ADRA1D: variants seen among roughly 807,000 people sequenced by gnomAD.
ADRA1D encodes alpha-1D adrenergic receptor.
ADRA1D carries 22 observed loss-of-function variants against 18.6 expected under a neutral mutation model. The observed-to-expected ratio is 1.19, with a 90% CI of 0.85 to 1.69. ADRA1D has a LOEUF of 1.69. Ranked by LOEUF, ADRA1D falls within the 40% of genes most tolerant of loss-of-function variation. The pLI, the probability that ADRA1D is intolerant of heterozygous loss-of-function variation, is 0.00. For missense variants in ADRA1D, 840 were observed against 840.7 expected, an observed-to-expected ratio of 1.00 and a Z score of 0.01; for synonymous variants, 376 against 388.2, an observed-to-expected ratio of 0.97 and a Z score of 0.37.
intron 1 of ADRA1D, among the ~76,000 whole-genome samples, chr20:4,225,424 C>CTTT (rs1488671448): frequency 5.5e-5 from 5 of 91,426 alleles, no homozygotes; most frequent in Non-Finnish European, 1.1e-4. Context: ...TTTTTTTTTT[C>CTTT]TTTCTTTTTT....
intron 1 of ADRA1D, among the ~76,000 whole-genome samples, chr20:4,238,113 C>A (rs1318795562): frequency 6.6e-6 from 1 of 150,840 alleles, no homozygotes; most frequent in Non-Finnish European, 1.5e-5. Context: ...ATTAGCCGGG[C>A]GTGGTGGTGG....
chr20:4,240,550 T>C (rs542888718), intron 1 of ADRA1D, among the ~76,000 whole-genome samples: 1 of 152,208 alleles, frequency 6.6e-6, no homozygotes, highest in Non-Finnish European at 1.5e-5. Flanking sequence ...TCCCAGCACT[T>C]TGGGAGGCCG....
At position 4,242,779 on chromosome 20, in the gene ADRA1D, G is replaced by C. The variant is rs143607892; in HGVS notation, c.1111+5068C>G. 6.5e-3 allele frequency among the ~76,000 whole-genome samples: 991 copies of C among 152,272 alleles called. 4 individuals are homozygous for C. The highest frequency in any genetic ancestry group is 0.01 in the Non-Finnish European group (713 of 68,026). On this transcript the variant is annotated intron_variant, in intron 1 of 1. Transcript: ENST00000379453. ...AAGGTGGAGGTCAGTGATGCTCGGT[G>C]ATCTGCCCAACAAGAGAGAGCTGGG...
chr20:4,222,271 G>T lies in ADRA1D; in HGVS notation c.1112-141C>A. ...CTCAAGGGATCCGTGCTGTAAATCA[G>T]GAGGTCCATGAACTTGGATAGAGAA... On this transcript the variant is annotated intron_variant, in intron 1 of 1. Coordinates refer to ENST00000379453, the MANE Select transcript of ADRA1D (RefSeq NM_000678.4). The surrounding 1 kb of genome is among the most constrained non-coding windows in gnomAD (Gnocchi z 4.3). 1 of 1,194,894 alleles carries T rather than the reference G, an allele frequency of 8.4e-7. No individual in the cohort carries two copies. Among genetic ancestry groups the T allele is most frequent in the Non-Finnish European group, 1.1e-6 (1 of 889,992 alleles). 74.0% of individuals were successfully genotyped at this position (1,194,894 alleles called of 1,614,324 possible).
intron 1 of ADRA1D, among the ~76,000 whole-genome samples, chr20:4,231,438 C>T (rs1980968643): frequency 6.6e-6 from 1 of 151,960 alleles, no homozygotes; most frequent in Non-Finnish European, 1.5e-5. Flanking sequence ...TTCTAAAAGG[C>T]ATGTTTTTGC....
chr20:4,231,990 G>A (rs835883), intron 1 of ADRA1D, among the ~76,000 whole-genome samples: 5,222 of 152,050 alleles, frequency 0.034, 324 homozygotes, highest in African/African-American at 0.12. Context: ...CTGGCTCACT[G>A]CAACCTCTGC....
chr20:4,233,270 G>T (rs1317733983), intron 1 of ADRA1D, among the ~76,000 whole-genome samples: 1 of 152,090 alleles, frequency 6.6e-6, no homozygotes. Flanking sequence ...AGACTAGCCT[G>T]GGTAACATAG....
Position 4,248,851 on chromosome 20 carries a change from G to C in ADRA1D, c.107C>G (p.Ala36Gly), listed in dbSNP as rs1273355447. Residue 36 changes from alanine to glycine, a missense_variant, in exon 1 of 2, where the codon GCC (alanine) becomes GGC (glycine). Ala to Gly is a moderately conservative substitution (Grantham distance 60). Coordinates refer to ENST00000379453, the MANE Select transcript of ADRA1D (RefSeq NM_000678.4). ...GCCCACCGCCGGGCCCTCCGAGGGGGCCGCGCCGCCCGCGCTGCCCCCGCC... is the reference window on the plus strand; with the variant it reads ...GCCCACCGCCGGGCCCTCCGAGGGGCCCGCGCCGCCCGCGCTGCCCCCGCC... ...GGGGGSAGGA[A>G]PSEGPAVGGV... 3.0e-5 allele frequency: 30 copies of C among 1,016,520 alleles called. No individual in the cohort carries two copies. The highest frequency in any genetic ancestry group is 3.2e-5 in the Non-Finnish European group (27 of 848,508). The allele number at this position is 1,016,520 out of a possible 1,614,324, so 63.0% of individuals were successfully genotyped here.
chr20:4,245,941 A>G lies in ADRA1D; in HGVS notation c.1111+1906T>C, dbSNP rs1168688023. Among the ~76,000 whole-genome samples, 8 of 152,182 alleles carry G rather than the reference A, an allele frequency of 5.3e-5. No homozygotes were observed. In the South Asian group the frequency reaches 1.0e-3, roughly 20 times the overall value. On this transcript the variant is annotated intron_variant, in intron 1 of 1. Coordinates refer to ENST00000379453, the MANE Select transcript of ADRA1D (RefSeq NM_000678.4). ...GATGATTTTCAAGGGTTACTTATTCATTCCTTACCCTATATTGAGTATCCA... is the reference window on the plus strand; with the variant it reads ...GATGATTTTCAAGGGTTACTTATTCGTTCCTTACCCTATATTGAGTATCCA...
chr20:4,247,769 C>T, intron 1 of ADRA1D, 78 bp downstream of exon 1: 1 of 1,410,356 alleles, frequency 7.1e-7, no homozygotes, highest in Non-Finnish European at 9.3e-7. Context: ...GTGGGGGTCG[C>T]CCAAGTCTGG....
At chr20:4,228,841 A>G (rs1156599102) in intron 1 of ADRA1D, among the ~76,000 whole-genome samples, 2 of 152,190 alleles carry the variant, frequency 1.3e-5, no homozygotes, top group Non-Finnish European at 2.9e-5. Context: ...TGCCTTGGTT[A>G]CAGCTGCTGC....
At chr20:4,227,706 CCTTCCTTCCTTCCTTCCTTCCTTCCTT>C (rs1453531898) in intron 1 of ADRA1D, among the ~76,000 whole-genome samples, 1 of 36,014 alleles carries the variant, frequency 2.8e-5, no homozygotes, top group Non-Finnish European at 6.0e-5. Flanking sequence ...CTCCCTCCCT[CCTTCCTTCCTTCCTTCCTTCCTTCCTT>C]CCTTCCTTCC....
intron 1 of ADRA1D, among the ~76,000 whole-genome samples, chr20:4,225,764 G>T (rs1351970478): frequency 1.3e-5 from 2 of 152,158 alleles, no homozygotes; most frequent in African/African-American, 2.4e-5. Context: ...TGAGTGAAGA[G>T]AACTCACATC....
intron 1 of ADRA1D, among the ~76,000 whole-genome samples, chr20:4,242,547 G>A (rs1981236601): frequency 6.6e-6 from 1 of 152,246 alleles, no homozygotes; most frequent in Admixed American, 6.5e-5. Flanking sequence ...GGGGTGGTCA[G>A]CGACACAGGC....
intron 1 of ADRA1D, among the ~76,000 whole-genome samples, chr20:4,242,567 G>C (rs144492394): frequency 7.7e-4 from 117 of 152,318 alleles, no homozygotes; most frequent in African/African-American, 2.7e-3. Flanking sequence ...CACTATCACA[G>C]AGCACAGACT....
At chr20:4,231,319 C>T (rs1202000960) in intron 1 of ADRA1D, among the ~76,000 whole-genome samples, 1 of 141,250 alleles carries the variant, frequency 7.1e-6, no homozygotes, top group Non-Finnish European at 1.6e-5. Flanking sequence ...GGGTCTTGCT[C>T]TGTTTCCTAG....
chr20:4,231,475 C>T (rs1204870157), intron 1 of ADRA1D, among the ~76,000 whole-genome samples: 1 of 151,966 alleles, frequency 6.6e-6, no homozygotes, highest in Non-Finnish European at 1.5e-5. Context: ...TTCTTTTTAT[C>T]CCAGCCTCTA....
intron 1 of ADRA1D, among the ~76,000 whole-genome samples, chr20:4,227,847 T>TC (rs957427289): frequency 6.6e-6 from 1 of 151,862 alleles, no homozygotes; most frequent in Non-Finnish European, 1.5e-5. Flanking sequence ...CCTCAGGTGA[T>TC]CCGCCTGCCT....
rs754588311 is a variant in ADRA1D at position 4,248,706 on chromosome 20, C to T, written c.252G>A (p.Thr84=). The change falls in exon 1 of 2, where the codon ACG becomes ACA. Residue 84 remains threonine (T), a synonymous_variant. Transcript: ENST00000379453. ...TCACCACCAGTCCCCCGACGGCCGC[C>T]GTGCCATTCACGTCGCCGCCCGCGC... ...SAGAGGDVNG[T]AAVGGLVVSA... is the part of the protein sequence containing the mutation. The T allele has an allele frequency of 1.3e-6, 2 of 1,570,178 alleles. No individual in the cohort carries two copies. The highest frequency in any genetic ancestry group is 2.4e-5 in the East Asian group (1 of 41,972).
Sources: gnomAD v4.1 joint callset for allele counts (sites outside exome capture counted in the v4.1 genomes callset) on GRCh38, gnomAD v4.1.1 for gene constraint, Gnocchi (gnomAD v3.1) non-coding constraint, MANE v1.5 for transcripts, NCBI Gene and HGNC (gene_info 2026-07-23, HGNC 2026-07-21) for gene names.